The following GTF2IRD2 variants were observed in gnomAD, a reference collection of about 807,000 sequenced individuals.
The protein encoded by GTF2IRD2 is GTF2I repeat domain containing 2, also known as general transcription factor II-I repeat domain-containing protein 2A.
Under a neutral mutation model 49.2 loss-of-function variants are expected in GTF2IRD2, and 8 were observed. The observed-to-expected ratio is 0.16, with a 90% CI of 0.10 to 0.29. The LOEUF (loss-of-function observed/expected upper bound fraction) is 0.29, where lower values mean the gene tolerates loss of function less well. Among genes scored for constraint, GTF2IRD2 ranks in the 10% least tolerant of loss-of-function variants. GTF2IRD2 has a pLI of 1.00. For synonymous variants in GTF2IRD2, 47 were observed against 289.7 expected, an observed-to-expected ratio of 0.16 and a Z score of 8.51; for missense variants, 130 against 725.7, an observed-to-expected ratio of 0.18 and a Z score of 9.43.
Position 74,796,213 on chromosome 7 carries a change from G to T in GTF2IRD2, c.*449C>A, listed in dbSNP as rs1796937719. On this transcript the variant is annotated 3_prime_UTR_variant, in exon 16 of 16. Transcript: ENST00000451013. ...ATGTAATATAAACAAGTATGATACT[G>T]CAGATTATATTTCTGATTCAAAGTG... 4.2e-6 allele frequency: 1 copy of T among 236,724 alleles called. No individual in the cohort carries two copies. Among genetic ancestry groups the T allele is most frequent in the South Asian group, 5.1e-5 (1 of 19,628 alleles). The allele number at this position is 236,724 out of a possible 1,614,324, so 14.7% of individuals were successfully genotyped here. A position where few individuals can be genotyped will look rare whatever the true frequency, so the allele number is the denominator to read the frequency against.
At chr7:74,844,517 T>C (rs1801105948) in intron 1 of GTF2IRD2, among the ~76,000 whole-genome samples, 1 of 32,576 alleles carries the variant, frequency 3.1e-5, no homozygotes, top group African/African-American at 1.2e-4. Flanking sequence ...TCCTGAGTAG[T>C]TGGGACTACA....
chr7:74,822,367 TG>T (rs1798983859), intron 6 of GTF2IRD2, 59 bp downstream of exon 6: 2 of 667,846 alleles, frequency 3.0e-6, no homozygotes, highest in Admixed American at 4.8e-5. Context: ...CAAGTTTTAA[TG>T]AAGAAGAAGT....
rs1554422013 is a variant in GTF2IRD2 at position 74,842,591 on chromosome 7, C to A, written c.-5-6208G>T. Among the ~76,000 whole-genome samples, 230 of 144,826 alleles carry A rather than the reference C, an allele frequency of 1.6e-3. 13 individuals are homozygous for A. The highest frequency in any genetic ancestry group is 4.4e-3 in the African/African-American group (164 of 37,306). On this transcript the variant is annotated intron_variant, in intron 1 of 15. Coordinates refer to ENST00000451013, the MANE Select transcript of GTF2IRD2 (RefSeq NM_173537.5). ...GGTCTCATTCTGTCACCCAGGCTGA[C>A]GTGCAGTGCCATGATCATAGTTGGA...
rs1279048316 is a variant in GTF2IRD2 at position 74,821,973 on chromosome 7, C to A, written c.571+454G>T. ...AGAATGTGCAGGTTTGTTTCCTAGG[C>A]ACATGTGTGCCACAATGGCTTGCTG... is the stretch of plus-strand genomic sequence containing the variant. On this transcript the variant is annotated intron_variant, in intron 6 of 15. Coordinates refer to ENST00000451013, the MANE Select transcript of GTF2IRD2 (RefSeq NM_173537.5). 9.4e-5 allele frequency: 25 copies of A among 267,344 alleles called. 2 individuals are homozygous for A. Among genetic ancestry groups the A allele is most frequent in the Admixed American group, 1.5e-4 (3 of 20,044 alleles). 16.6% of individuals were successfully genotyped at this position (267,344 alleles called of 1,614,324 possible).
At chr7:74,815,869 A>AG in intron 8 of GTF2IRD2, among the ~76,000 whole-genome samples, 1 of 100,464 alleles carries the variant, frequency 1.0e-5, no homozygotes, top group Admixed American at 1.0e-4. Context: ...AAAGAAAGAG[A>AG]AAATAAATTA....
intron 11 of GTF2IRD2, among the ~76,000 whole-genome samples, chr7:74,807,267 AC>A (rs1797850606): frequency 9.7e-6 from 1 of 103,072 alleles, no homozygotes; most frequent in Non-Finnish European, 2.1e-5. Context: ...ACAGACATGC[AC>A]CATCATGCTT....
At chr7:74,824,018 T>G in intron 4 of GTF2IRD2, among the ~76,000 whole-genome samples, 1 of 96,764 alleles carries the variant, frequency 1.0e-5, no homozygotes, top group African/African-American at 4.0e-5. Context: ...CAAAAAAAGT[T>G]AGCCGGGCAC....
intron 3 of GTF2IRD2, among the ~76,000 whole-genome samples, chr7:74,829,816 A>G (rs587687741): frequency 6.7e-6 from 1 of 149,986 alleles, no homozygotes; most frequent in South Asian, 2.1e-4. Flanking sequence ...TGAACCGAGG[A>G]GGCAGAGGTT....
chr7:74,818,479 A>C (rs1450776002), intron 8 of GTF2IRD2, among the ~76,000 whole-genome samples: 2 of 64,474 alleles, frequency 3.1e-5, no homozygotes, highest in African/African-American at 1.8e-4. Context: ...TTTTTTTTTG[A>C]GACAACGTCT....
At position 74,821,958 on chromosome 7, in the gene GTF2IRD2, G is replaced by A. The variant is rs1288016660; in HGVS notation, c.571+469C>T. On this transcript the variant is annotated intron_variant, in intron 6 of 15. Coordinates refer to ENST00000451013, the MANE Select transcript of GTF2IRD2 (RefSeq NM_173537.5). Reference sequence around the variant, plus strand: ...GGGGGATACATCTGCAGAATGTGCAGGTTTGTTTCCTAGGCACATGTGTGC... The same window carrying A: ...GGGGGATACATCTGCAGAATGTGCAAGTTTGTTTCCTAGGCACATGTGTGC... 3 of 229,102 alleles carry A rather than the reference G, an allele frequency of 1.3e-5. 1 individual carries two copies. Among genetic ancestry groups the A allele is most frequent in the African/African-American group, 7.3e-5 (3 of 41,244 alleles). The allele number at this position is 229,102 out of a possible 1,614,324, so 14.2% of individuals were successfully genotyped here. A position where few individuals can be genotyped will look rare whatever the true frequency, so the allele number is the denominator to read the frequency against.
At chr7:74,826,064 C>T (rs1799365207) in intron 3 of GTF2IRD2, among the ~76,000 whole-genome samples, 1 of 151,526 alleles carries the variant, frequency 6.6e-6, no homozygotes, top group African/African-American at 2.4e-5. Context: ...GGATTACAGG[C>T]GTGAGCCACC....
At chr7:74,840,125 TGCATGATCTCTGCGCACTGCACCCAGTG>T (rs1296269943) in intron 1 of GTF2IRD2, among the ~76,000 whole-genome samples, 3 of 55,888 alleles carry the variant, frequency 5.4e-5, no homozygotes, top group Non-Finnish European at 8.6e-5. Context: ...CAGACTGGAG[TGCATGATCTCTGCGCACTGCACCCAGTG>T]GCATGATCTC....
chr7:74,847,701 CA>C (rs1352189923), intron 1 of GTF2IRD2, among the ~76,000 whole-genome samples: 3 of 102 alleles, frequency 0.029, no homozygotes, highest in African/African-American at 0.1. Flanking sequence ...AACTCCATCT[CA>C]AAAAAAAAAA....
Position 74,841,765 on chromosome 7 carries a change from G to C in GTF2IRD2, c.-5-5382C>G, listed in dbSNP as rs1800849502. 1.4e-5 allele frequency among the ~76,000 whole-genome samples: 2 copies of C among 143,288 alleles called. 1 individual carries two copies. The highest frequency in any genetic ancestry group is 3.0e-5 in the Non-Finnish European group (2 of 66,754). The allele number at this position is 143,288 out of a possible 152,430, so 94.0% of individuals were successfully genotyped here. A position where few individuals can be genotyped will look rare whatever the true frequency, so the allele number is the denominator to read the frequency against. On this transcript the variant is annotated intron_variant, in intron 1 of 15. Coordinates refer to ENST00000451013, the MANE Select transcript of GTF2IRD2 (RefSeq NM_173537.5). ...GGGAAATCTATAGGAACTGAAAATA[G>C]ATTAGTGGTTATTTCAGGTTGATAG...
At position 74,819,958 on chromosome 7, in the gene GTF2IRD2, T is replaced by A; in HGVS notation, c.626+11A>T. On this transcript the variant is annotated intron_variant, in intron 7 of 15. Coordinates refer to ENST00000451013, the MANE Select transcript of GTF2IRD2 (RefSeq NM_173537.5). ...AGTTGTGGATTTTGGTTGCTGTGAT[T>A]TATCTTTTACCTTTCACTTGGTGAT... The A allele has an allele frequency of 6.2e-7, 1 of 1,601,660 alleles. No individual in the cohort carries two copies. The highest frequency in any genetic ancestry group is 8.5e-7 in the Non-Finnish European group (1 of 1,173,366).
intron 3 of GTF2IRD2, among the ~76,000 whole-genome samples, chr7:74,829,992 A>G (rs1206850557): frequency 6.6e-6 from 1 of 150,680 alleles, no homozygotes; most frequent in Non-Finnish European, 1.5e-5. Context: ...ATTTCAAAAC[A>G]TATTATAAAG....
At chr7:74,842,083 C>G (rs1404083055) in intron 1 of GTF2IRD2, among the ~76,000 whole-genome samples, 5 of 87,538 alleles carry the variant, frequency 5.7e-5, no homozygotes, top group Admixed American at 1.2e-4. Flanking sequence ...GAGATCCCAC[C>G]ACTGCACTCC....
chr7:74,844,862 C>A (rs1801132781), intron 1 of GTF2IRD2, among the ~76,000 whole-genome samples: 1 of 85,148 alleles, frequency 1.2e-5, no homozygotes, highest in East Asian at 2.2e-3. Flanking sequence ...TCATTTTCTG[C>A]ATTTTTTTTT....
At chr7:74,839,310 T>G (rs1368141348) in intron 1 of GTF2IRD2, among the ~76,000 whole-genome samples, 5 of 43,820 alleles carry the variant, frequency 1.1e-4, no homozygotes, top group Non-Finnish European at 1.5e-4. Flanking sequence ...TCTCTGCTTT[T>G]TGGCTAAGAT....
Sources: gnomAD v4.1 joint callset for allele counts (sites outside exome capture counted in the v4.1 genomes callset) on GRCh38, gnomAD v4.1.1 for gene constraint, MANE v1.5 for transcripts, NCBI Gene and HGNC (gene_info 2026-07-23, HGNC 2026-07-21) for gene names.